SGCD: variants seen among roughly 807,000 people sequenced by gnomAD.
The protein encoded by SGCD is sarcoglycan delta, also known as delta-sarcoglycan.
A neutral mutation model predicts 36.6 loss-of-function variants in SGCD; 18 were observed. The ratio of observed to expected loss-of-function variants is 0.49; its 90% CI spans 0.34 to 0.73. SGCD has a LOEUF of 0.73. SGCD is among the 30% of genes least tolerant of loss of function. SGCD has a pLI of 0.01. For synonymous variants in SGCD, 133 were observed against 130.6 expected (o/e 1.02, Z -0.12); for missense variants, 387 against 346.7 (o/e 1.12, Z -0.92).
At chr5:156,754,348 A>G (rs1561898098) in intron 7 of SGCD, among the ~76,000 whole-genome samples, 1 of 152,212 alleles carries the variant, frequency 6.6e-6, no homozygotes, top group African/African-American at 2.4e-5. Flanking sequence ...AACTCTATGT[A>G]CCAAGTTTGA....
chr5:156,109,084 A>G (rs1761720778), intron 1 of SGCD, among the ~76,000 whole-genome samples: 2 of 152,144 alleles, frequency 1.3e-5, no homozygotes. Flanking sequence ...CTTTCAAGTT[A>G]CTAATGACTT....
At chr5:155,751,434 C>T in the SGCD span, among the ~76,000 whole-genome samples, 1 of 152,022 alleles carries the variant, frequency 6.6e-6, no homozygotes, top group South Asian at 2.1e-4. Context: ...CACTCTGTTG[C>T]CTAGGTTGGA....
chr5:156,115,595 A>G (rs965368679), intron 1 of SGCD, among the ~76,000 whole-genome samples: 1 of 152,080 alleles, frequency 6.6e-6, no homozygotes, highest in Non-Finnish European at 1.5e-5. Flanking sequence ...TCAAGCATCT[A>G]ATTACTTTTC....
At chr5:156,751,090 G>A (rs1039565587) in intron 7 of SGCD, among the ~76,000 whole-genome samples, 3 of 152,126 alleles carry the variant, frequency 2.0e-5, no homozygotes, top group African/African-American at 2.4e-5. Flanking sequence ...AAGAGGATTT[G>A]CCTTATGAAG....
rs1248730663 is a variant in SGCD at position 156,193,547 on chromosome 5, G to A, written c.-44+69528G>A. Among the ~76,000 whole-genome samples, 8 of 152,096 alleles carry A rather than the reference G, an allele frequency of 5.3e-5. No homozygotes were observed. The East Asian group carries it at 7.7e-4, about 15-fold the overall frequency. On this transcript the variant is annotated intron_variant, in intron 3 of 9. Coordinates refer to the SGCD transcript ENST00000517913. ...GTCCTAACATGTCTACCCTCCTTAC[G>A]GGCCAGACTCATTAGAGGACAGCTA...
At chr5:155,907,707 G>A (rs1210869256) in intron 1 of SGCD, among the ~76,000 whole-genome samples, 1 of 152,100 alleles carries the variant, frequency 6.6e-6, no homozygotes, top group Non-Finnish European at 1.5e-5. Flanking sequence ...TCCTTCTTAT[G>A]GATAAGCAAG....
intron 3 of SGCD, among the ~76,000 whole-genome samples, chr5:156,307,942 A>T (rs1446343266): frequency 6.6e-6 from 1 of 152,066 alleles, no homozygotes; most frequent in Non-Finnish European, 1.5e-5. Context: ...ATGTTACAAT[A>T]ACACTAGCTT....
At chr5:156,166,734 A>C (rs1212437736) in intron 3 of SGCD, among the ~76,000 whole-genome samples, 1 of 152,212 alleles carries the variant, frequency 6.6e-6, no homozygotes, top group African/African-American at 2.4e-5. Flanking sequence ...AGTTTTAGGG[A>C]AGAAGTTTTA....
At chr5:156,165,859 GA>G (rs1402561493) in intron 3 of SGCD, among the ~76,000 whole-genome samples, 2 of 152,164 alleles carry the variant, frequency 1.3e-5, no homozygotes, top group Admixed American at 1.3e-4. Flanking sequence ...TCAGAAAAAG[GA>G]AACATCTTAA....
Position 156,061,282 on chromosome 5 carries a change from C to CT in SGCD, c.-281-56593dup, listed in dbSNP as rs1760200811. 5.5e-5 allele frequency among the ~76,000 whole-genome samples: 8 copies of CT among 145,304 alleles called. 1 individual carries two copies. In the South Asian group the frequency reaches 1.7e-3, roughly 31 times the overall value. The stretch of plus-strand genomic sequence containing the variant: ...AGGCTAAGAGAATATAAGCGTTGGT[C>CT]TTTAGCTGAAGATCCTTCAAGGATC... On this transcript the variant is annotated intron_variant, in intron 1 of 9. Transcript: ENST00000517913.
chr5:156,469,037 G>T (rs540278041), intron 3 of SGCD, among the ~76,000 whole-genome samples: 18 of 152,180 alleles, frequency 1.2e-4, no homozygotes, highest in African/African-American at 4.3e-4. Flanking sequence ...CTAGTGTCTG[G>T]CATGGTGCAA....
intron 7 of SGCD, among the ~76,000 whole-genome samples, chr5:156,747,399 T>G (rs572990906): frequency 4.6e-5 from 7 of 152,328 alleles, no homozygotes; most frequent in South Asian, 2.1e-4. Context: ...GATTCAAGAC[T>G]TTTTTATGAG....
intron 4 of SGCD, among the ~76,000 whole-genome samples, chr5:156,511,429 A>T (rs1479073383): frequency 6.6e-6 from 1 of 152,156 alleles, no homozygotes; most frequent in African/African-American, 2.4e-5. Flanking sequence ...TCATTATACA[A>T]ATTGTAGCCA....
At position 156,555,446 on chromosome 5, in the gene SGCD, T is replaced by C. The variant is rs577710572; in HGVS notation, c.295-33785T>C. On this transcript the variant is annotated intron_variant, in intron 4 of 8. Transcript: ENST00000337851. ...TTTATTCTTTTACATATAGCTATTC[T>C]GTCGTCCCAGCATCATTTGTTGAAA... 3.9e-5 allele frequency among the ~76,000 whole-genome samples: 6 copies of C among 152,276 alleles called. No individual in the cohort carries two copies. The East Asian group carries it at 9.7e-4, about 24-fold the overall frequency.
chr5:156,506,051 CCA>C (rs1230746481), intron 3 of SGCD, among the ~76,000 whole-genome samples: 1 of 152,130 alleles, frequency 6.6e-6, no homozygotes, highest in Non-Finnish European at 1.5e-5. Flanking sequence ...CTTTGAAATT[CCA>C]CAGTTTGACT....
At chr5:156,655,085 T>A (rs1227399187) in intron 7 of SGCD, among the ~76,000 whole-genome samples, 1 of 152,168 alleles carries the variant, frequency 6.6e-6, no homozygotes, top group Non-Finnish European at 1.5e-5. Flanking sequence ...TTTAATATTC[T>A]ATACCCAGAT....
chr5:156,259,121 T>TATTTATTG (rs1765787268), intron 3 of SGCD, among the ~76,000 whole-genome samples: 2 of 150,094 alleles, frequency 1.3e-5, no homozygotes, highest in Non-Finnish European at 3.0e-5. Context: ...GCTGTTTATT[T>TATTTATTG]ATTTATTTAT....
the SGCD span, among the ~76,000 whole-genome samples, chr5:155,729,066 G>T: frequency 6.6e-6 from 1 of 152,264 alleles, no homozygotes; most frequent in Admixed American, 6.5e-5. Flanking sequence ...ACGGGAGAAA[G>T]TTGGGTCTCC....
intron 7 of SGCD, among the ~76,000 whole-genome samples, chr5:156,745,720 A>T (rs1308609079): frequency 6.6e-6 from 1 of 152,172 alleles, no homozygotes; most frequent in Non-Finnish European, 1.5e-5. Context: ...AAATAAAGAC[A>T]TATAAAAATA....
Sources: allele counts gnomAD v4.1 joint callset (sites outside exome capture counted in the v4.1 genomes callset), GRCh38; gene constraint gnomAD v4.1.1; transcripts MANE v1.5; gene names NCBI Gene and HGNC (gene_info 2026-07-23, HGNC 2026-07-21).